SLC1A3: variants seen among roughly 807,000 people sequenced by gnomAD.
The protein encoded by SLC1A3 is excitatory amino acid transporter 1.
Under a neutral mutation model 48.1 loss-of-function variants are expected in SLC1A3, and 21 were observed. The observed-to-expected ratio is 0.44, with a 90% CI of 0.31 to 0.63. The LOEUF (loss-of-function observed/expected upper bound fraction) is 0.63. Ranked by LOEUF, SLC1A3 falls within the 20% of genes least tolerant of loss-of-function variation. SLC1A3 has a pLI of 0.08. For synonymous variants in SLC1A3, 239 were observed against 251.4 expected (o/e 0.95, Z 0.47); for missense variants, 546 against 689.0 (o/e 0.79, Z 2.32).
intron 3 of SLC1A3, 92 bp from the exon 4 acceptor site, chr5:36,670,937 A>AG: frequency 9.4e-7 from 1 of 1,058,952 alleles, no homozygotes; most frequent in Non-Finnish European, 1.4e-6. Flanking sequence ...GGATAAGGGT[A>AG]GGGGAGTATA....
chr5:36,669,975 CAATT>C (rs1276216132), intron 3 of SLC1A3: 2 of 148,686 alleles, frequency 1.3e-5, no homozygotes, highest in Admixed American at 6.7e-5. Flanking sequence ...AAAAAAAACT[CAATT>C]AACTGTAATT....
At chr5:36,667,408 TAGAG>T (rs1425243791) in intron 3 of SLC1A3, among the ~76,000 whole-genome samples, 1 of 152,176 alleles carries the variant, frequency 6.6e-6, no homozygotes, top group Non-Finnish European at 1.5e-5. Flanking sequence ...GCAAGAAAGT[TAGAG>T]AAAGTCAGCA....
At chr5:36,675,935 T>C (rs1742187422) in intron 5 of SLC1A3, among the ~76,000 whole-genome samples, 1 of 151,806 alleles carries the variant, frequency 6.6e-6, no homozygotes, top group Non-Finnish European at 1.5e-5. Flanking sequence ...CTCACCATTA[T>C]TACTCTCACT....
chr5:36,665,932 AG>A (rs1261861243), intron 3 of SLC1A3, among the ~76,000 whole-genome samples: 1 of 152,264 alleles, frequency 6.6e-6, no homozygotes, highest in African/African-American at 2.4e-5. Context: ...CTTCGGTTCC[AG>A]AACCCTTAGA....
intron 3 of SLC1A3, among the ~76,000 whole-genome samples, chr5:36,660,644 C>T (rs1460326458): frequency 3.9e-5 from 6 of 152,310 alleles, no homozygotes; most frequent in Admixed American, 2.6e-4. Context: ...GAGTTTACTC[C>T]GACAGTGTTT....
chr5:36,676,332 TG>T (rs1485366172), intron 5 of SLC1A3, among the ~76,000 whole-genome samples: 2 of 152,226 alleles, frequency 1.3e-5, no homozygotes, highest in Non-Finnish European at 2.9e-5. Context: ...ATTTGCAAGA[TG>T]TTCTCCTATA....
chr5:36,621,742 C>T (rs1414202132), intron 2 of SLC1A3, among the ~76,000 whole-genome samples: 1 of 152,188 alleles, frequency 6.6e-6, no homozygotes, highest in East Asian at 1.9e-4. Context: ...ATTTGTAGAG[C>T]ATCTTCTCTA....
chr5:36,685,465 C>T (rs992804434), intron 9 of SLC1A3, among the ~76,000 whole-genome samples: 2 of 152,006 alleles, frequency 1.3e-5, no homozygotes, highest in South Asian at 2.1e-4. Flanking sequence ...TTAGTAGAGA[C>T]GGGTTTCACC....
chr5:36,637,158 T>C (rs1740426464), intron 3 of SLC1A3, among the ~76,000 whole-genome samples: 1 of 152,180 alleles, frequency 6.6e-6, no homozygotes. Flanking sequence ...GAGCTGATCC[T>C]GGTGCTCCAG....
intron 2 of SLC1A3, among the ~76,000 whole-genome samples, chr5:36,621,736 G>T (rs902960046): frequency 6.6e-6 from 1 of 152,180 alleles, no homozygotes; most frequent in African/African-American, 2.4e-5. Flanking sequence ...TTAAACATTT[G>T]TAGAGCATCT....
rs552617068 is a variant in SLC1A3, at chr5:36,597,834, C to T, written c.-96+1156C>T. Among the ~76,000 whole-genome samples, 3 of 152,276 alleles carry T rather than the reference C, an allele frequency of 2.0e-5. No individual in the cohort carries two copies. In the East Asian group the frequency reaches 5.8e-4, roughly 29 times the overall value. On this transcript the variant is annotated intron_variant, in intron 1 of 9. Transcript: ENST00000680318. ...TTTAGAGTTCTTTCTGAAATGCTGCCTCTTCCATGAAACCCTCCCTTTTCC... is the reference window on the plus strand; with the variant it reads ...TTTAGAGTTCTTTCTGAAATGCTGCTTCTTCCATGAAACCCTCCCTTTTCC...
At position 36,658,985 on chromosome 5, in the gene SLC1A3, C is replaced by T. The variant is rs1359550867; in HGVS notation, c.320-12044C>T. Among the ~76,000 whole-genome samples the T allele has an allele frequency of 1.6e-5, 2 of 128,652 alleles. 1 individual carries two copies. The highest frequency in any genetic ancestry group is 1.7e-4 in the Admixed American group (2 of 12,046). 84.4% of individuals were successfully genotyped at this position (128,652 alleles called of 152,430 possible). A position where few individuals can be genotyped will look rare whatever the true frequency, so the allele number is the denominator to read the frequency against. On this transcript the variant is annotated intron_variant, in intron 3 of 9. Coordinates refer to ENST00000265113, the MANE Select transcript of SLC1A3 (RefSeq NM_004172.5). ...CATGACTGTGGCACTTTACAACCTACCCATTTTTTTTTTTACTGTGATATA... is the reference window on the plus strand; with the variant it reads ...CATGACTGTGGCACTTTACAACCTATCCATTTTTTTTTTTACTGTGATATA...
intron 2 of SLC1A3, among the ~76,000 whole-genome samples, chr5:36,610,705 C>T (rs1739157778): frequency 6.6e-6 from 1 of 151,960 alleles, no homozygotes; most frequent in African/African-American, 2.4e-5. Flanking sequence ...TGGGATCATC[C>T]CTAGTCTATT....
chr5:36,644,956 G>A (rs954329603), intron 3 of SLC1A3, among the ~76,000 whole-genome samples: 3 of 152,118 alleles, frequency 2.0e-5, no homozygotes, highest in Admixed American at 1.3e-4. Context: ...TCTCAGGAAT[G>A]TGGATGCTAA....
rs771176480 is a variant in SLC1A3 at position 36,608,477 on chromosome 5, C to G, written c.54C>G (p.Phe18Leu). The change falls in exon 2 of 10, where the codon TTC becomes TTG. Residue 18 changes from phenylalanine to leucine, a missense_variant. Physicochemically the swap from Phe to Leu is conservative, Grantham distance 22 (BLOSUM62 0). This residue lies in a region of SLC1A3 where 348 missense variants were observed against 392.0 expected (regional missense o/e 0.89). Transcript: ENST00000265113. ...AGATGGGGGGCAGGATGGAGAGATT[C>G]CAGCAGGGAGTCCGTAAACGCACAC... ...EPKMGGRMER[F>L]QQGVRKRTLL... is the part of the protein sequence containing the mutation. 1.2e-6 allele frequency: 2 copies of G among 1,613,890 alleles called. No individual in the cohort carries two copies. The highest frequency in any genetic ancestry group is 2.2e-5 in the East Asian group (1 of 44,892).
rs138224000 is a variant in SLC1A3 at position 36,653,883 on chromosome 5, G to A, written c.320-17146G>A. Among the ~76,000 whole-genome samples, 22 of 152,300 alleles carry A rather than the reference G, an allele frequency of 1.4e-4. No individual in the cohort carries two copies. In the East Asian group the frequency reaches 3.9e-3, roughly 27 times the overall value. On this transcript the variant is annotated intron_variant, in intron 3 of 9. Transcript: ENST00000265113. ...GTTTTTGAGAGAGCCTCGCTCTGTC[G>A]CCCAGACTGGAGTGCAGTGGTGCGA...
chr5:36,671,301 T>G (rs1423085033), intron 4 of SLC1A3, 68 bp downstream of exon 4: 2 of 1,139,520 alleles, frequency 1.8e-6, no homozygotes, highest in African/African-American at 3.0e-5. Flanking sequence ...TGGTTACTAT[T>G]CAAACCCTGG....
chr5:36,634,169 G>A (rs552233909), intron 3 of SLC1A3, among the ~76,000 whole-genome samples: 5 of 152,088 alleles, frequency 3.3e-5, no homozygotes, highest in African/African-American at 1.2e-4. Flanking sequence ...CCAGCTACTC[G>A]GGAGTCTGAG....
chr5:36,628,680 A>G (rs979948736), intron 2 of SLC1A3, among the ~76,000 whole-genome samples: 1 of 152,348 alleles, frequency 6.6e-6, no homozygotes, highest in East Asian at 1.9e-4. Flanking sequence ...AGTAGTTATC[A>G]TGCATAATTT....
Sources: gnomAD v4.1 joint callset for allele counts (sites outside exome capture counted in the v4.1 genomes callset) on GRCh38, gnomAD v4.1.1 for gene constraint, gnomAD v4.1.1 regional missense constraint, MANE v1.5 for transcripts, NCBI Gene and HGNC (gene_info 2026-07-23, HGNC 2026-07-21) for gene names.